Variants in SGCZ observed in about 807,000 individuals in gnomAD.
The protein encoded by SGCZ is zeta-sarcoglycan.
A neutral mutation model predicts 41.3 loss-of-function variants in SGCZ; 40 were observed. The observed-to-expected ratio is 0.97, with a 90% CI of 0.75 to 1.26. The LOEUF (loss-of-function observed/expected upper bound fraction) is 1.26. SGCZ is among the 50% of genes most tolerant of loss of function. SGCZ has a pLI of 0.00. For synonymous variants in SGCZ, 206 were observed against 137.5 expected (o/e 1.50, Z -3.49); for missense variants, 552 against 369.8 (o/e 1.49, Z -4.04).
At chr8:14,696,520 G>C (rs1237719211) in intron 1 of SGCZ, among the ~76,000 whole-genome samples, 1 of 151,968 alleles carries the variant, frequency 6.6e-6, no homozygotes, top group Non-Finnish European at 1.5e-5. Flanking sequence ...TTTGTAATAA[G>C]GCAAAATGTT....
chr8:14,486,058 C>T (rs1016891484), intron 2 of SGCZ, among the ~76,000 whole-genome samples: 2 of 152,082 alleles, frequency 1.3e-5, no homozygotes, highest in Admixed American at 1.3e-4. Context: ...TTTAGATCTA[C>T]TGATACAATA....
At chr8:15,144,975 T>C (rs896778899) in intron 1 of SGCZ, among the ~76,000 whole-genome samples, 1 of 152,234 alleles carries the variant, frequency 6.6e-6, no homozygotes, top group African/African-American at 2.4e-5. Flanking sequence ...ACCAAGTTTG[T>C]CTGGCATAAT....
At chr8:14,376,197 G>A (rs1430845440) in intron 2 of SGCZ, among the ~76,000 whole-genome samples, 1 of 152,130 alleles carries the variant, frequency 6.6e-6, no homozygotes, top group Admixed American at 6.5e-5. Flanking sequence ...TGTAGACCCA[G>A]CTACACAGGA....
At chr8:14,360,031 T>A (rs1803451883) in intron 2 of SGCZ, among the ~76,000 whole-genome samples, 1 of 152,160 alleles carries the variant, frequency 6.6e-6, no homozygotes, top group South Asian at 2.1e-4. Context: ...TTTCAGTTAA[T>A]GCTGAAAAAG....
intron 1 of SGCZ, among the ~76,000 whole-genome samples, chr8:14,577,019 G>A (rs1804731911): frequency 6.6e-6 from 1 of 152,214 alleles, no homozygotes; most frequent in Admixed American, 6.5e-5. Flanking sequence ...TTTGCCATAT[G>A]AAAATATCTA....
chr8:14,860,976 T>G (rs913995831), intron 1 of SGCZ, among the ~76,000 whole-genome samples: 25 of 152,192 alleles, frequency 1.6e-4, no homozygotes, highest in African/African-American at 5.1e-4. Flanking sequence ...CTTCATACAG[T>G]AGGTATCACT....
rs571038771 is a variant in SGCZ at position 15,150,671 on chromosome 8, A to G, written c.39+86914T>C. Among the ~76,000 whole-genome samples the G allele has an allele frequency of 1.5e-3, 231 of 152,322 alleles. 1 individual carries two copies. Among genetic ancestry groups the G allele is most frequent in the African/African-American group, 5.2e-3 (217 of 41,572 alleles). On this transcript the variant is annotated intron_variant, in intron 1 of 7. Coordinates refer to ENST00000382080, the MANE Select transcript of SGCZ (RefSeq NM_139167.4). ...CAAACAAGAGGCAGAGATGAGAAAA[A>G]ATTGTATCAAGAGAAACAAAGAAGC...
In SGCZ at chr8:14,309,433, T is replaced by C. The variant is rs533262611; in HGVS notation, c.336+14670A>G. On this transcript the variant is annotated intron_variant, in intron 3 of 7. Transcript: ENST00000382080. ...GGCTAGAGACACTTCTGTGCCTTAT[T>C]GGACAATCTTCTGATGACTGCAGTG... 3.8e-5 allele frequency: 61 copies of C among 1,606,778 alleles called. No individual in the cohort carries two copies. The East Asian group carries it at 1.3e-3, about 34-fold the overall frequency.
chr8:14,527,962 G>C (rs1215272235), intron 2 of SGCZ, among the ~76,000 whole-genome samples: 1 of 152,014 alleles, frequency 6.6e-6, no homozygotes, highest in African/African-American at 2.4e-5. Context: ...GAACACTTGT[G>C]AGTTTATCTA....
At chr8:14,424,883 G>A (rs548503490) in intron 2 of SGCZ, among the ~76,000 whole-genome samples, 126 of 152,210 alleles carry the variant, frequency 8.3e-4, no homozygotes, top group African/African-American at 2.9e-3. Flanking sequence ...AAATAAATGA[G>A]CAATTTTAGT....
At chr8:14,848,742 T>C (rs866710370) in intron 1 of SGCZ, among the ~76,000 whole-genome samples, 3 of 152,306 alleles carry the variant, frequency 2.0e-5, no homozygotes, top group Middle Eastern at 6.8e-3. Flanking sequence ...AAAAATCTTT[T>C]TAAAAATCAT....
chr8:14,474,068 G>T (rs1284955027), intron 2 of SGCZ, among the ~76,000 whole-genome samples: 1 of 151,976 alleles, frequency 6.6e-6, no homozygotes, highest in Non-Finnish European at 1.5e-5. Flanking sequence ...ATAGGGGAAA[G>T]AAGAAGTCTC....
chr8:14,426,442 A>G (rs954476574), intron 2 of SGCZ, among the ~76,000 whole-genome samples: 1 of 145,312 alleles, frequency 6.9e-6, no homozygotes, highest in South Asian at 2.1e-4. Flanking sequence ...GTGCAAGTCA[A>G]TGCAAATATG....
intron 4 of SGCZ, among the ~76,000 whole-genome samples, chr8:14,228,571 C>T (rs951868817): frequency 6.6e-6 from 1 of 151,914 alleles, no homozygotes; most frequent in African/African-American, 2.4e-5. Flanking sequence ...CAGTATTGTG[C>T]ACTTAAGAAA....
At chr8:14,361,041 T>C (rs1803493283) in intron 2 of SGCZ, among the ~76,000 whole-genome samples, 1 of 152,224 alleles carries the variant, frequency 6.6e-6, no homozygotes, top group Non-Finnish European at 1.5e-5. Context: ...CAGATAATGA[T>C]GTCGAACATC....
At chr8:14,120,918 G>C (rs565999630) in intron 5 of SGCZ, among the ~76,000 whole-genome samples, 1 of 152,018 alleles carries the variant, frequency 6.6e-6, no homozygotes, top group Non-Finnish European at 1.5e-5. Flanking sequence ...TCATGGAACT[G>C]GACAAGCTGA....
chr8:14,717,512 C>T (rs1367662378), intron 1 of SGCZ, among the ~76,000 whole-genome samples: 3 of 152,076 alleles, frequency 2.0e-5, no homozygotes, highest in Admixed American at 6.6e-5. Flanking sequence ...GTAAGAGTGA[C>T]TCAAGGAGAG....
intron 2 of SGCZ, among the ~76,000 whole-genome samples, chr8:14,514,370 A>G (rs1802550662): frequency 6.6e-6 from 1 of 151,984 alleles, no homozygotes; most frequent in Admixed American, 6.6e-5. Context: ...AAACTACTTA[A>G]TTTCCTTGAC....
At chr8:14,450,395 T>C (rs772866596) in intron 2 of SGCZ, among the ~76,000 whole-genome samples, 4 of 152,216 alleles carry the variant, frequency 2.6e-5, no homozygotes, top group East Asian at 1.9e-4. Flanking sequence ...ATTGGCTTTA[T>C]AGTCAGCACA....
Sources: gnomAD v4.1 joint callset for allele counts (sites outside exome capture counted in the v4.1 genomes callset) on GRCh38, gnomAD v4.1.1 for gene constraint, MANE v1.5 for transcripts, NCBI Gene and HGNC (gene_info 2026-07-23, HGNC 2026-07-21) for gene names.